Variants in CNTN5 observed in about 807,000 individuals in gnomAD.
CNTN5 encodes contactin-5.
A neutral mutation model predicts 129.1 loss-of-function variants in CNTN5; 77 were observed. That is an observed-to-expected ratio of 0.60 (90% confidence interval 0.50 to 0.72). The LOEUF is 0.72. Ranked by LOEUF, CNTN5 falls within the 30% of genes least tolerant of loss-of-function variation. The probability of loss-of-function intolerance (pLI) is 0.00; values close to 1 mark genes in which losing one functional copy is unlikely to be tolerated. For missense variants in CNTN5, 1,478 were observed against 1,328.8 expected (o/e 1.11, Z -1.75); for synonymous variants, 509 against 465.6 (o/e 1.09, Z -1.20).
chr11:99,138,293 T>C (rs1185054813), intron 1 of CNTN5, among the ~76,000 whole-genome samples: 1 of 152,174 alleles, frequency 6.6e-6, no homozygotes, highest in Non-Finnish European at 1.5e-5. Context: ...TTGTACATTC[T>C]ATTGCAGGTA....
intron 9 of CNTN5, among the ~76,000 whole-genome samples, chr11:100,048,731 A>G (rs904978723): frequency 1.3e-5 from 2 of 152,050 alleles, no homozygotes; most frequent in Non-Finnish European, 2.9e-5. Flanking sequence ...TACATAACGT[A>G]TATCAAGGTT....
At chr11:99,499,480 C>A (rs1298047714) in intron 2 of CNTN5, among the ~76,000 whole-genome samples, 1 of 152,136 alleles carries the variant, frequency 6.6e-6, no homozygotes, top group East Asian at 1.9e-4. Context: ...CCTCACCGGA[C>A]AACTGAACCT....
chr11:99,489,439 A>G (rs1201173244), intron 2 of CNTN5, among the ~76,000 whole-genome samples: 2 of 152,206 alleles, frequency 1.3e-5, no homozygotes, highest in Admixed American at 1.3e-4. Flanking sequence ...TTACAGCACC[A>G]GGCTTACTCT....
At chr11:99,850,752 G>A (rs1245151613) in intron 6 of CNTN5, among the ~76,000 whole-genome samples, 2 of 151,856 alleles carry the variant, frequency 1.3e-5, no homozygotes, top group African/African-American at 4.8e-5. Flanking sequence ...TTTCCCTGGT[G>A]GTCAGAGCAA....
intron 3 of CNTN5, among the ~76,000 whole-genome samples, chr11:99,567,371 T>A (rs1477810032): frequency 1.3e-5 from 2 of 152,174 alleles, no homozygotes. Flanking sequence ...AAGGCATTTT[T>A]TTTTTCTCTA....
intron 7 of CNTN5, among the ~76,000 whole-genome samples, chr11:99,932,027 A>G (rs1950203773): frequency 6.6e-6 from 1 of 152,030 alleles, no homozygotes; most frequent in Non-Finnish European, 1.5e-5. Flanking sequence ...TCCTTTTTTG[A>G]GTCTCCTGTA....
chr11:100,080,211 G>C (rs184450020), intron 13 of CNTN5, among the ~76,000 whole-genome samples: 37 of 152,170 alleles, frequency 2.4e-4, no homozygotes, highest in African/African-American at 8.4e-4. Context: ...CAGTTATGAA[G>C]ATAATGGACT....
intron 3 of CNTN5, among the ~76,000 whole-genome samples, chr11:99,648,756 G>A (rs555135719): frequency 6.6e-6 from 1 of 151,874 alleles, no homozygotes; most frequent in African/African-American, 2.4e-5. Flanking sequence ...CATCATTTCT[G>A]GTAACATGAA....
At chr11:100,111,710 A>G (rs1318890056) in intron 13 of CNTN5, among the ~76,000 whole-genome samples, 2 of 152,212 alleles carry the variant, frequency 1.3e-5, no homozygotes, top group Non-Finnish European at 2.9e-5. Context: ...ATTGTTGACT[A>G]TAGGTGCAGT....
At chr11:100,233,143 A>G (rs1021692846) in intron 16 of CNTN5, among the ~76,000 whole-genome samples, 8 of 152,160 alleles carry the variant, frequency 5.3e-5, no homozygotes, top group African/African-American at 1.9e-4. Context: ...TCCACTGTCA[A>G]TTGCCAGATT....
chr11:99,828,340 G>T (rs1947033722), intron 4 of CNTN5, among the ~76,000 whole-genome samples: 1 of 152,162 alleles, frequency 6.6e-6, no homozygotes, highest in Non-Finnish European at 1.5e-5. Context: ...AAAATGAACA[G>T]AAATGTGTTG....
At chr11:99,465,912 C>T (rs1166403889) in intron 2 of CNTN5, among the ~76,000 whole-genome samples, 12 of 134,640 alleles carry the variant, frequency 8.9e-5, no homozygotes, top group Admixed American at 8.5e-4. Flanking sequence ...GACGGAGTCT[C>T]GCTCTGTCGC....
At chr11:100,048,899 A>G (rs1308573731) in intron 9 of CNTN5, among the ~76,000 whole-genome samples, 1 of 151,974 alleles carries the variant, frequency 6.6e-6, no homozygotes, top group African/African-American at 2.4e-5. Context: ...AACATAAACT[A>G]ATTGATGAAA....
chr11:99,281,465 CATCT>C (rs1863690496), intron 1 of CNTN5, among the ~76,000 whole-genome samples: 1 of 151,994 alleles, frequency 6.6e-6, no homozygotes, highest in Non-Finnish European at 1.5e-5. Context: ...ATGTCCAGAG[CATCT>C]TATCCATAGC....
chr11:100,211,472 GAA>G (rs199520923), intron 15 of CNTN5, among the ~76,000 whole-genome samples: 2 of 144,370 alleles, frequency 1.4e-5, no homozygotes, highest in African/African-American at 2.5e-5. Context: ...CTGATATTGG[GAA>G]AAAAAAAAAG....
intron 6 of CNTN5, among the ~76,000 whole-genome samples, chr11:99,891,102 A>G (rs1168069327): frequency 2.0e-5 from 3 of 152,184 alleles, no homozygotes; most frequent in Non-Finnish European, 4.4e-5. Context: ...CAGAAAAAAT[A>G]CATTAGGTCA....
intron 13 of CNTN5, among the ~76,000 whole-genome samples, chr11:100,187,918 C>T (rs916489431): frequency 1.2e-4 from 19 of 152,120 alleles, no homozygotes; most frequent in Admixed American, 2.6e-4. Context: ...ATTGTAACCA[C>T]AGCAAAAAAC....
At chr11:99,489,282 G>C (rs988660744) in intron 2 of CNTN5, among the ~76,000 whole-genome samples, 1 of 152,096 alleles carries the variant, frequency 6.6e-6, no homozygotes, top group African/African-American at 2.4e-5. Context: ...CATTACTCTA[G>C]AGAGTCATGT....
chr11:99,283,934 CT>C (rs1161232974), intron 1 of CNTN5, among the ~76,000 whole-genome samples: 1 of 152,106 alleles, frequency 6.6e-6, no homozygotes, highest in Non-Finnish European at 1.5e-5. Flanking sequence ...GTACATTAAC[CT>C]TGCAAGACTG....
Sources: gnomAD v4.1 joint callset for allele counts (sites outside exome capture counted in the v4.1 genomes callset) on GRCh38, gnomAD v4.1.1 for gene constraint, MANE v1.5 for transcripts, NCBI Gene and HGNC (gene_info 2026-07-23, HGNC 2026-07-21) for gene names.